ACCSL: variants seen among roughly 807,000 people sequenced by gnomAD.
ACCSL encodes probable inactive 1-aminocyclopropane-1-carboxylate synthase-like protein 2.
A neutral mutation model predicts 61.7 loss-of-function variants in ACCSL; 55 were observed. That is an observed-to-expected ratio of 0.89 (90% CI 0.72 to 1.12). The LOEUF (loss-of-function observed/expected upper bound fraction) is 1.12. ACCSL is among the 50% of genes most tolerant of loss of function. The pLI, the probability that ACCSL is intolerant of heterozygous loss-of-function variation, is 0.00. For synonymous variants in ACCSL, 258 were observed against 264.3 expected, an observed-to-expected ratio of 0.98 and a Z score of 0.23; for missense variants, 632 against 698.0, an observed-to-expected ratio of 0.91 and a Z score of 1.07.
chr11:44,002,873 C>T, the ACCSL span, among the ~76,000 whole-genome samples: 27 of 152,148 alleles, frequency 1.8e-4, no homozygotes, highest in African/African-American at 6.0e-4. Context: ...GCTCTGTTGA[C>T]GGGAATGGCT....
the ACCSL span, among the ~76,000 whole-genome samples, chr11:44,031,396 T>A: frequency 1.3e-5 from 2 of 152,118 alleles, no homozygotes; most frequent in Non-Finnish European, 2.9e-5. Context: ...ACTTCTGAGA[T>A]CTGGATGGTA....
At chr11:43,991,516 G>A in the ACCSL span, among the ~76,000 whole-genome samples, 3,824 of 152,300 alleles carry the variant, frequency 0.025, 306 homozygotes, top group East Asian at 0.32. Context: ...CCCCCTGGCA[G>A]GGTGTGGTGG....
At chr11:43,929,600 T>G in the ACCSL span, among the ~76,000 whole-genome samples, 1 of 152,018 alleles carries the variant, frequency 6.6e-6, no homozygotes, top group Non-Finnish European at 1.5e-5. Flanking sequence ...AGAGATGGGG[T>G]TTCGCCATGT....
At chr11:43,975,564 G>T in the ACCSL span, among the ~76,000 whole-genome samples, 1 of 152,192 alleles carries the variant, frequency 6.6e-6, no homozygotes, top group Admixed American at 6.5e-5. Context: ...AGAAGCCCAA[G>T]ACAGAGAAGG....
At chr11:43,991,752 C>G in the ACCSL span, among the ~76,000 whole-genome samples, 1 of 152,168 alleles carries the variant, frequency 6.6e-6, no homozygotes, top group Non-Finnish European at 1.5e-5. Context: ...TGAGATTGCA[C>G]CACTGCACTT....
chr11:44,000,939 T>C, the ACCSL span, among the ~76,000 whole-genome samples: 1 of 152,154 alleles, frequency 6.6e-6, no homozygotes, highest in African/African-American at 2.4e-5. Flanking sequence ...ATGAGGAGGC[T>C]GAGGCACCGA....
At chr11:43,921,937 G>T in the ACCSL span, among the ~76,000 whole-genome samples, 1 of 152,186 alleles carries the variant, frequency 6.6e-6, no homozygotes, top group Non-Finnish European at 1.5e-5. Context: ...AAACTACAGG[G>T]TGTAGGCATG....
the ACCSL span, among the ~76,000 whole-genome samples, chr11:43,926,019 C>T: frequency 9.8e-5 from 15 of 152,294 alleles, 1 homozygote; most frequent in East Asian, 2.5e-3. Flanking sequence ...CCTGCCTTTC[C>T]CCTTGGCAGG....
chr11:43,969,961 AG>A, the ACCSL span, among the ~76,000 whole-genome samples: 1 of 78,820 alleles, frequency 1.3e-5, no homozygotes, highest in Non-Finnish European at 2.8e-5. Flanking sequence ...AAATAGGTAT[AG>A]GGGGAGGGTT....
the ACCSL span, among the ~76,000 whole-genome samples, chr11:44,019,319 A>T: frequency 8.9e-3 from 1,360 of 152,332 alleles, 29 homozygotes; most frequent in East Asian, 0.064. Context: ...TGGGTCATAT[A>T]GTAACTCTGT....
the ACCSL span, among the ~76,000 whole-genome samples, chr11:44,013,180 G>A: frequency 4.6e-5 from 7 of 152,200 alleles, no homozygotes; most frequent in Non-Finnish European, 1.0e-4. Context: ...GCAAAACAGC[G>A]TGTATATTAT....
the ACCSL span, among the ~76,000 whole-genome samples, chr11:44,008,907 C>T: frequency 6.6e-6 from 1 of 152,172 alleles, no homozygotes. Context: ...ATGTCAGAGC[C>T]TGTGATCCCA....
the ACCSL span, among the ~76,000 whole-genome samples, chr11:44,004,346 A>G: frequency 6.6e-6 from 1 of 151,920 alleles, no homozygotes; most frequent in Non-Finnish European, 1.5e-5. Flanking sequence ...ACCCCCGCAT[A>G]CCGCCCTGGG....
chr11:43,965,262 TA>T, the ACCSL span, among the ~76,000 whole-genome samples: 1 of 152,284 alleles, frequency 6.6e-6, no homozygotes, highest in African/African-American at 2.4e-5. Context: ...TTGCAAGGTA[TA>T]ATATCAACAT....
chr11:43,940,002 C>G, the ACCSL span, among the ~76,000 whole-genome samples: 1 of 152,182 alleles, frequency 6.6e-6, no homozygotes, highest in South Asian at 2.1e-4. Flanking sequence ...CAAATGTGAC[C>G]ATTTCCTACA....
In ACCSL at chr11:44,048,106, A is replaced by G. The variant is rs763490870; in HGVS notation, c.70A>G (p.Ser24Gly). 1.1e-5 allele frequency: 17 copies of G among 1,614,202 alleles called. No homozygotes were observed. The highest frequency in any genetic ancestry group is 1.6e-4 in the Middle Eastern group (1 of 6,062). ...QRRGRVPRDH[S>G]IYTQLLEITL... ...GAGAGGCCGGGTCCCCAGAGACCAC[A>G]GCATCTATACCCAGCTGTTGGAGAT... is the stretch of plus-strand genomic sequence containing the variant. Residue 24 changes from serine (S) to glycine (G), a missense_variant, in exon 1 of 14, where the codon AGC (serine) becomes GGC (glycine). Ser to Gly is a moderately conservative substitution (Grantham distance 56, BLOSUM62 0). Transcript: ENST00000378832.
chr11:44,056,476 G>A, intron 11 of ACCSL, 150 bp downstream of exon 11: 1 of 1,133,162 alleles, frequency 8.8e-7, no homozygotes, highest in Non-Finnish European at 1.2e-6. Context: ...GAGGTTTGAA[G>A]GAGGGCAAGA....
At chr11:43,938,434 C>T in the ACCSL span, among the ~76,000 whole-genome samples, 3 of 152,186 alleles carry the variant, frequency 2.0e-5, no homozygotes, top group African/African-American at 4.8e-5. Flanking sequence ...TTCCTTGAGC[C>T]GTGACCACAT....
upstream of ACCSL, chr11:44,047,882 G>C: frequency 1.0e-6 from 1 of 975,786 alleles, no homozygotes; most frequent in Non-Finnish European, 1.5e-6. Context: ...ATATAACCAA[G>C]GCATGGAAGT....
Sources: allele counts gnomAD v4.1 joint callset (sites outside exome capture counted in the v4.1 genomes callset), GRCh38; gene constraint gnomAD v4.1.1; transcripts MANE v1.5; gene names NCBI Gene and HGNC (gene_info 2026-07-23, HGNC 2026-07-21).